Variants in CIDEC observed in about 807,000 individuals in gnomAD.
The protein encoded by CIDEC is cell death inducing DFFA like effector c.
CIDEC carries 11 observed loss-of-function variants against 21.9 expected under a neutral mutation model. That is an observed-to-expected ratio of 0.50 (90% CI 0.32 to 0.83). CIDEC has a LOEUF of 0.83. Ranked by LOEUF, CIDEC falls within the 40% of genes least tolerant of loss-of-function variation. The pLI, the probability that CIDEC is intolerant of heterozygous loss-of-function variation, is 0.04. For synonymous variants in CIDEC, 127 were observed against 124.9 expected (o/e 1.02, Z -0.11); for missense variants, 302 against 302.3 (o/e 1.00, Z 0.01).
At chr3:9,877,301 C>G in intron 3 of CIDEC, 82 bp from the exon 4 acceptor site, 1 of 1,326,264 alleles carries the variant, frequency 7.5e-7, no homozygotes, top group Non-Finnish European at 1.1e-6. Flanking sequence ...CTCCCCACCC[C>G]TCCTGACTGG....
rs2125038271 is a variant in CIDEC at position 9,866,723 on chromosome 3, A to G, written c.*411T>C. On this transcript the variant is annotated 3_prime_UTR_variant, in exon 7 of 7. Transcript: ENST00000336832. The stretch of plus-strand genomic sequence containing the variant: ...AGGCAAAGAAGATACATCAGCCTCA[A>G]TAATTTATTGCAAACTCCCTAATAT... 1.0e-5 allele frequency: 4 copies of G among 395,864 alleles called. No individual in the cohort carries two copies. The highest frequency in any genetic ancestry group is 3.6e-5 in the South Asian group (1 of 27,696). 24.5% of individuals were successfully genotyped at this position (395,864 alleles called of 1,614,324 possible). A position where few individuals can be genotyped will look rare whatever the true frequency, so the allele number is the denominator to read the frequency against.
intron 2 of CIDEC, 24 bp from the exon 3 acceptor site, chr3:9,878,535 C>A: frequency 6.2e-7 from 1 of 1,600,218 alleles, no homozygotes; most frequent in East Asian, 2.2e-5. Context: ...AGAAACAATT[C>A]ATCAGGGTGA....
Position 9,867,158 on chromosome 3 carries a change from C to G in CIDEC, c.693G>C (p.Pro231=), listed in dbSNP as rs772707494. The part of the protein sequence containing the change: ...PPKGKASSLI[P]TCLKILQ ...TTCACTGCAGTATCTTCAGACAGGT[C>G]GGGATAAGGGATGAGGCCTTGCCCT... The change falls in exon 7 of 7, where the codon CCG becomes CCC. Residue 231 remains proline (P), a synonymous_variant. Coordinates refer to ENST00000336832, the MANE Select transcript of CIDEC (RefSeq NM_001321142.2). 6.2e-7 allele frequency: 1 copy of G among 1,613,718 alleles called. No homozygotes were observed. The highest frequency in any genetic ancestry group is 1.7e-5 in the Admixed American group (1 of 60,024).
In CIDEC at chr3:9,878,325, T is replaced by C. The variant is rs577702648; in HGVS notation, c.53+109A>G. ...ACTCCAGACCTCCTGAATCAGAATCTGCACTTGAACAAGGTCCCCTGTGAC... is the reference window on the plus strand; with the variant it reads ...ACTCCAGACCTCCTGAATCAGAATCCGCACTTGAACAAGGTCCCCTGTGAC... On this transcript the variant is annotated intron_variant, in intron 3 of 6. Coordinates refer to ENST00000336832, the MANE Select transcript of CIDEC (RefSeq NM_001321142.2). 52 of 860,118 alleles carry C rather than the reference T, an allele frequency of 6.0e-5. 1 individual carries two copies. In the South Asian group the frequency reaches 6.6e-4, roughly 11 times the overall value. 53.3% of individuals were successfully genotyped at this position (860,118 alleles called of 1,614,324 possible). A position where few individuals can be genotyped will look rare whatever the true frequency, so the allele number is the denominator to read the frequency against.
At chr3:9,871,699 G>A (rs996177111) in intron 4 of CIDEC, among the ~76,000 whole-genome samples, 2 of 151,482 alleles carry the variant, frequency 1.3e-5, no homozygotes, top group Admixed American at 6.6e-5. Context: ...GCATGATCTC[G>A]ACTCACCGCA....
At chr3:9,870,836 G>A (rs770242679) in intron 4 of CIDEC, among the ~76,000 whole-genome samples, 1 of 152,074 alleles carries the variant, frequency 6.6e-6, no homozygotes, top group Non-Finnish European at 1.5e-5. Context: ...GATGGTGTCT[G>A]GCTATGTTGC....
At chr3:9,874,288 G>T (rs893495984) in intron 4 of CIDEC, among the ~76,000 whole-genome samples, 1 of 152,034 alleles carries the variant, frequency 6.6e-6, no homozygotes, top group Admixed American at 6.6e-5. Flanking sequence ...GGCCGAGGTG[G>T]GAGGATCACT....
At chr3:9,875,135 G>A (rs2082403065) in intron 4 of CIDEC, among the ~76,000 whole-genome samples, 1 of 152,160 alleles carries the variant, frequency 6.6e-6, no homozygotes, top group African/African-American at 2.4e-5. Flanking sequence ...CAGCACTTTG[G>A]GAGGTCGAGG....
In CIDEC at chr3:9,867,248, T is replaced by C. The variant is rs201404178; in HGVS notation, c.603A>G (p.Val201=). ...GCAGGTAACAGGAGGTGCCAAGCAG[T>C]ACGTGGCCTGTGGCCTGCATGCTGA... ...ALFSMQATGH[V]LLGTSCYLQQ... is the part of the protein sequence containing the mutation. Residue 201 remains valine, a synonymous_variant, in exon 7 of 7, where the codon GTA becomes GTG. Coordinates refer to ENST00000336832, the MANE Select transcript of CIDEC (RefSeq NM_001321142.2). 2.9e-4 allele frequency: 463 copies of C among 1,614,144 alleles called. 3 individuals are homozygous for C. The East Asian group carries it at 4.7e-3, about 16-fold the overall frequency.
At chr3:9,873,449 C>G (rs562443365) in intron 4 of CIDEC, among the ~76,000 whole-genome samples, 74 of 152,308 alleles carry the variant, frequency 4.9e-4, no homozygotes, top group Admixed American at 2.8e-3. Context: ...AACCCTGTCT[C>G]TACTAAAAAT....
At chr3:9,869,249 G>A (rs1475134589) in intron 6 of CIDEC, among the ~76,000 whole-genome samples, 1 of 151,668 alleles carries the variant, frequency 6.6e-6, no homozygotes, top group East Asian at 1.9e-4. Flanking sequence ...TTTGACACGT[G>A]CTTTTTTTTG....
intron 2 of CIDEC, 105 bp from the exon 3 acceptor site, chr3:9,878,616 C>T (rs1451769433): frequency 8.0e-7 from 1 of 1,251,944 alleles, no homozygotes; most frequent in African/African-American, 1.5e-5. Flanking sequence ...AACCTTCCTC[C>T]CTATTCTTCT....
intron 4 of CIDEC, among the ~76,000 whole-genome samples, chr3:9,875,986 C>G (rs1221805404): frequency 2.0e-5 from 3 of 152,172 alleles, no homozygotes; most frequent in Non-Finnish European, 4.4e-5. Flanking sequence ...AGAAGCCTTA[C>G]AAAGGAGGGG....
chr3:9,872,181 C>CTTTTT lies in CIDEC; in HGVS notation c.208-1864_208-1860dup, dbSNP rs60836522. ...CCCCTAATGATTAATGATGCTGAGC[C>CTTTTT]TTTTTTTTTTGAAACAGGGTCTTGC... is the stretch of plus-strand genomic sequence containing the variant. On this transcript the variant is annotated intron_variant, in intron 4 of 6. Coordinates refer to ENST00000336832, the MANE Select transcript of CIDEC (RefSeq NM_001321142.2). 3.5e-3 allele frequency among the ~76,000 whole-genome samples: 502 copies of CTTTTT among 144,706 alleles called. 5 individuals are homozygous for CTTTTT. Among genetic ancestry groups the CTTTTT allele is most frequent in the African/African-American group, 0.012 (473 of 39,340 alleles). The allele number at this position is 144,706 out of a possible 152,430, so 94.9% of individuals were successfully genotyped here.
At chr3:9,879,924 G>T (rs2082482544) in intron 1 of CIDEC, among the ~76,000 whole-genome samples, 1 of 152,106 alleles carries the variant, frequency 6.6e-6, no homozygotes, top group African/African-American at 2.4e-5. Flanking sequence ...AGAGCAAGGG[G>T]CACAAGGGGT....
Position 9,866,973 on chromosome 3 carries a change from C to T in CIDEC, c.*161G>A. ...TGAGGTTCTCCTTTGGCCAACCCAC[C>T]CCAGGTTTCCAGCTCCTCCTCCTCA... On this transcript the variant is annotated 3_prime_UTR_variant, in exon 7 of 7. Coordinates refer to ENST00000336832, the MANE Select transcript of CIDEC (RefSeq NM_001321142.2). 1 of 830,342 alleles carries T rather than the reference C, an allele frequency of 1.2e-6. No individual in the cohort carries two copies. The highest frequency in any genetic ancestry group is 2.5e-5 in the East Asian group (1 of 39,496). 51.4% of individuals were successfully genotyped at this position (830,342 alleles called of 1,614,324 possible).
intron 4 of CIDEC, among the ~76,000 whole-genome samples, chr3:9,873,944 A>G (rs1290250752): frequency 6.6e-6 from 1 of 152,188 alleles, no homozygotes; most frequent in Non-Finnish European, 1.5e-5. Context: ...ACCAATAGCA[A>G]TGAACATATC....
intron 6 of CIDEC, among the ~76,000 whole-genome samples, chr3:9,868,951 A>T (rs779743978): frequency 5.9e-5 from 9 of 151,942 alleles, no homozygotes; most frequent in Non-Finnish European, 8.8e-5. Flanking sequence ...GATTATAGGT[A>T]CATACTACCA....
At chr3:9,875,475 T>C (rs2125050266) in intron 4 of CIDEC, among the ~76,000 whole-genome samples, 1 of 150,870 alleles carries the variant, frequency 6.6e-6, no homozygotes, top group South Asian at 2.1e-4. Flanking sequence ...GTCAAGGCCA[T>C]GAAAGTCAAG....
Sources: gnomAD v4.1 joint callset for allele counts (sites outside exome capture counted in the v4.1 genomes callset) on GRCh38, gnomAD v4.1.1 for gene constraint, MANE v1.5 for transcripts, NCBI Gene and HGNC (gene_info 2026-07-23, HGNC 2026-07-21) for gene names.